Variants in SLC26A8 observed in about 807,000 individuals in gnomAD.
SLC26A8 encodes the protein solute carrier family 26 member 8.
SLC26A8 carries 70 observed loss-of-function variants against 105.0 expected under a neutral mutation model. The ratio of observed to expected loss-of-function variants is 0.67; its 90% CI spans 0.55 to 0.81. The LOEUF (loss-of-function observed/expected upper bound fraction) is 0.81, where lower values mean the gene tolerates loss of function less well. Among genes scored for constraint, SLC26A8 ranks in the 40% least tolerant of loss-of-function variants. The pLI is 0.00. For missense variants in SLC26A8, 998 were observed against 1,181.8 expected, an observed-to-expected ratio of 0.84 and a Z score of 2.28; for synonymous variants, 415 against 438.3, an observed-to-expected ratio of 0.95 and a Z score of 0.66.
chr6:36,014,340 G>C (rs1761940424), intron 2 of SLC26A8, among the ~76,000 whole-genome samples: 1 of 152,168 alleles, frequency 6.6e-6, no homozygotes, highest in South Asian at 2.1e-4. Context: ...AGAAACTAAG[G>C]AGGGAATTAG....
intron 8 of SLC26A8, among the ~76,000 whole-genome samples, 181 bp from the exon 9 acceptor site, chr6:35,977,532 G>C (rs971070122): frequency 6.6e-6 from 1 of 151,646 alleles, no homozygotes; most frequent in Non-Finnish European, 1.5e-5. Context: ...GCCAAGTTAT[G>C]AAAGCCATTG....
intron 7 of SLC26A8, among the ~76,000 whole-genome samples, chr6:35,982,986 C>T (rs373247379): frequency 6.6e-6 from 1 of 152,184 alleles, no homozygotes; most frequent in African/African-American, 2.4e-5. Context: ...ATAAAGACTG[C>T]GTCAATGCAG....
intron 3 of SLC26A8, among the ~76,000 whole-genome samples, chr6:36,011,497 T>C (rs1347740699): frequency 6.6e-6 from 1 of 152,230 alleles, no homozygotes; most frequent in African/African-American, 2.4e-5. Context: ...CACCTATCTG[T>C]GTGATCTTGT....
chr6:35,991,398 T>C (rs1761148480), intron 7 of SLC26A8, among the ~76,000 whole-genome samples: 1 of 103,726 alleles, frequency 9.6e-6, no homozygotes, highest in African/African-American at 3.4e-5. Context: ...AGCAAGACTC[T>C]GTCAAAAAAA....
chr6:35,978,249 A>AG (rs200448920), intron 8 of SLC26A8, among the ~76,000 whole-genome samples: 10,987 of 152,058 alleles, frequency 0.072, 466 homozygotes, highest in Middle Eastern at 0.099. Context: ...ATAATACACT[A>AG]TGGTCAAGTG....
In SLC26A8 at chr6:35,997,825, ATTC is replaced by A; in HGVS notation, c.537_539del (p.Lys179del). 6.2e-7 allele frequency: 1 copy of A among 1,614,098 alleles called. No homozygotes were observed. The highest frequency in any genetic ancestry group is 8.5e-7 in the Non-Finnish European group (1 of 1,179,964). On this transcript the variant is annotated inframe_deletion, in exon 5 of 20. Transcript: ENST00000490799. ...TAAGGTAGGAGGGGGCCGAAAACTC[ATTC>A]TTGACGAAAGATCCCATGACCAGTT...
intron 2 of SLC26A8, among the ~76,000 whole-genome samples, chr6:36,019,108 T>C (rs958298972): frequency 1.2e-4 from 19 of 152,178 alleles, no homozygotes; most frequent in Non-Finnish European, 2.2e-4. Context: ...GTATTTTTAG[T>C]AGAGACGGGG....
At chr6:35,956,791 T>C (rs1466357960) in intron 16 of SLC26A8, among the ~76,000 whole-genome samples, 1 of 151,646 alleles carries the variant, frequency 6.6e-6, no homozygotes, top group Non-Finnish European at 1.5e-5. Context: ...TGGTGGTGCA[T>C]GCCTGTAATC....
intron 2 of SLC26A8, among the ~76,000 whole-genome samples, chr6:36,016,309 G>C (rs1444672622): frequency 6.6e-6 from 1 of 151,938 alleles, no homozygotes; most frequent in Admixed American, 6.6e-5. Context: ...CTTAACCTGA[G>C]GTTTGTGGAC....
intron 10 of SLC26A8, chr6:35,969,725 C>T (rs1772714249): frequency 6.6e-6 from 1 of 152,140 alleles, no homozygotes; most frequent in Non-Finnish European, 1.5e-5. Context: ...CATCTAGCAG[C>T]TTCAGTGGAG....
intron 7 of SLC26A8, among the ~76,000 whole-genome samples, chr6:35,987,278 T>C (rs1399756267): frequency 6.6e-6 from 1 of 152,214 alleles, no homozygotes; most frequent in South Asian, 2.1e-4. Flanking sequence ...GTTATTTTTT[T>C]GCCCACACAA....
At position 35,960,973 on chromosome 6, in the gene SLC26A8, T is replaced by A. The variant is rs1278968655; in HGVS notation, c.1568+20A>T. 8 of 1,613,940 alleles carry A rather than the reference T, an allele frequency of 5.0e-6. No individual in the cohort carries two copies. In the South Asian group the frequency reaches 8.8e-5, roughly 18 times the overall value. ...GGCTTACCTTGCCTTGTTAACCTCC[T>A]ATTACCTGAGACAAAGTACCTGTGT... On this transcript the variant is annotated intron_variant, in intron 13 of 19. Coordinates refer to ENST00000490799, the MANE Select transcript of SLC26A8 (RefSeq NM_052961.4).
chr6:35,980,799 G>A (rs762285072), intron 8 of SLC26A8, among the ~76,000 whole-genome samples: 5 of 152,102 alleles, frequency 3.3e-5, no homozygotes, highest in Non-Finnish European at 7.4e-5. Flanking sequence ...GATCACCTGA[G>A]TCCAGGAGTT....
rs747583241 is a variant in SLC26A8, at chr6:35,944,185, T to A, written c.2628A>T (p.Leu876=). ...CAGGCTCCAGCTCCCGATCCAGGTCTAGGTCCAGACCCAGCCCAGCCTCTT... is the reference window on the plus strand; with the variant it reads ...CAGGCTCCAGCTCCCGATCCAGGTCAAGGTCCAGACCCAGCCCAGCCTCTT... The part of the protein sequence containing the change: ...SEQEAGLGLD[L]DLDRELEPEM... Residue 876 remains leucine, a synonymous_variant, in exon 20 of 20, where the codon CTA becomes CTT. Coordinates refer to ENST00000490799, the MANE Select transcript of SLC26A8 (RefSeq NM_052961.4). 1 of 1,614,108 alleles carries A rather than the reference T, an allele frequency of 6.2e-7. No individual in the cohort carries two copies. Among genetic ancestry groups the A allele is most frequent in the Non-Finnish European group, 8.5e-7 (1 of 1,180,006 alleles).
intron 11 of SLC26A8, among the ~76,000 whole-genome samples, chr6:35,966,100 G>T (rs1772508018): frequency 1.3e-5 from 2 of 151,356 alleles, no homozygotes. Context: ...CATATTCTCT[G>T]CCTGGGAATT....
chr6:35,964,628 C>T (rs191291456), intron 11 of SLC26A8, among the ~76,000 whole-genome samples: 50 of 148,290 alleles, frequency 3.4e-4, no homozygotes, highest in Non-Finnish European at 6.0e-4. Flanking sequence ...GACTGGGTGA[C>T]AGAGTGAGAC....
chr6:35,981,847 G>GA lies in SLC26A8; in HGVS notation c.1025+273dup, dbSNP rs935143949. On this transcript the variant is annotated intron_variant, in intron 8 of 19. Coordinates refer to ENST00000490799, the MANE Select transcript of SLC26A8 (RefSeq NM_052961.4). The surrounding 1 kb of genome is among the most constrained non-coding windows in gnomAD (Gnocchi z 4.0). ...GTTGAGAAGGCCTATCATGTGCTAT[G>GA]AAAAAAAACATGAGATTCTCTGGTA... 1.3e-4 allele frequency among the ~76,000 whole-genome samples: 20 copies of GA among 151,808 alleles called. No homozygotes were observed. Among genetic ancestry groups the GA allele is most frequent in the African/African-American group, 3.9e-4 (16 of 41,334 alleles).
intron 1 of SLC26A8, among the ~76,000 whole-genome samples, 190 bp from the exon 2 acceptor site, chr6:36,019,899 C>T (rs1247265771): frequency 7.2e-5 from 11 of 152,180 alleles, no homozygotes; most frequent in Admixed American, 7.2e-4. Flanking sequence ...ATGGAGACAA[C>T]AAAACCCAGA....
intron 8 of SLC26A8, among the ~76,000 whole-genome samples, chr6:35,978,367 T>C (rs1773128489): frequency 1.3e-5 from 2 of 152,206 alleles, no homozygotes; most frequent in South Asian, 4.1e-4. Context: ...GAGTGGTGTT[T>C]TTCTATAGAT....
Sources: allele counts gnomAD v4.1 joint callset (sites outside exome capture counted in the v4.1 genomes callset), GRCh38; gene constraint gnomAD v4.1.1; non-coding constraint Gnocchi (gnomAD v3.1); transcripts MANE v1.5; gene names NCBI Gene and HGNC (gene_info 2026-07-23, HGNC 2026-07-21).